CSNK2A2IP: variants seen among roughly 807,000 people sequenced by gnomAD.
The protein encoded by CSNK2A2IP is casein kinase II subunit alpha'-interacting protein.
the CSNK2A2IP span, among the ~76,000 whole-genome samples, chr3:88,362,084 T>C: frequency 2.6e-5 from 4 of 152,148 alleles, no homozygotes; most frequent in Admixed American, 2.6e-4. Context: ...TCTCTGTCAC[T>C]GAAGGCTTGA....
At chr3:88,408,205 C>A in the CSNK2A2IP span, among the ~76,000 whole-genome samples, 1 of 152,064 alleles carries the variant, frequency 6.6e-6, no homozygotes, top group Non-Finnish European at 1.5e-5. Context: ...GTCATGTCTA[C>A]TTAGGCAGTT....
chr3:88,466,408 A>G, the CSNK2A2IP span: 1 of 1,231,826 alleles, frequency 8.1e-7, no homozygotes, highest in Admixed American at 4.2e-5. Flanking sequence ...CACTTCACCA[A>G]ATGGCAAACA....
the CSNK2A2IP span, among the ~76,000 whole-genome samples, chr3:88,433,988 A>C: frequency 6.6e-6 from 1 of 152,172 alleles, no homozygotes; most frequent in African/African-American, 2.4e-5. Context: ...CTGTTAAAAA[A>C]TGTGTTATTT....
the CSNK2A2IP span, among the ~76,000 whole-genome samples, chr3:88,439,226 G>C: frequency 6.6e-6 from 1 of 152,006 alleles, no homozygotes; most frequent in Non-Finnish European, 1.5e-5. Flanking sequence ...TCTTTCATTT[G>C]AATAATGTGA....
chr3:88,465,904 T>C, the CSNK2A2IP span: 50 of 1,231,534 alleles, frequency 4.1e-5, no homozygotes, highest in Non-Finnish European at 5.1e-5. Context: ...CTCAAGTTCA[T>C]CATTATTTCG....
chr3:88,417,879 A>G, the CSNK2A2IP span, among the ~76,000 whole-genome samples: 1 of 152,206 alleles, frequency 6.6e-6, no homozygotes, highest in African/African-American at 2.4e-5. Flanking sequence ...CTGTATGTAC[A>G]TATGTGTATT....
At chr3:88,350,432 A>G in the CSNK2A2IP span, among the ~76,000 whole-genome samples, 1 of 152,068 alleles carries the variant, frequency 6.6e-6, no homozygotes, top group Non-Finnish European at 1.5e-5. Context: ...GCATGCCTTC[A>G]TTGAGGAATT....
the CSNK2A2IP span, among the ~76,000 whole-genome samples, chr3:88,439,166 A>T: frequency 6.6e-6 from 1 of 152,106 alleles, no homozygotes; most frequent in African/African-American, 2.4e-5. Flanking sequence ...TAAATGCCTC[A>T]CTTTTCATTG....
chr3:88,398,990 G>A, the CSNK2A2IP span, among the ~76,000 whole-genome samples: 2 of 151,896 alleles, frequency 1.3e-5, no homozygotes, highest in Non-Finnish European at 2.9e-5. Context: ...AACTATCTTG[G>A]GTTTAAGGAT....
At chr3:88,455,285 A>AT in the CSNK2A2IP span, among the ~76,000 whole-genome samples, 1 of 152,022 alleles carries the variant, frequency 6.6e-6, no homozygotes, top group South Asian at 2.1e-4. Context: ...TTTTTTAGGA[A>AT]TCTCCATACT....
At chr3:88,386,045 G>A in the CSNK2A2IP span, among the ~76,000 whole-genome samples, 3 of 152,264 alleles carry the variant, frequency 2.0e-5, no homozygotes, top group Admixed American at 1.3e-4. Flanking sequence ...TGATTCATTT[G>A]GGAGATGTAA....
At chr3:88,356,550 T>C in the CSNK2A2IP span, among the ~76,000 whole-genome samples, 1 of 152,162 alleles carries the variant, frequency 6.6e-6, no homozygotes, top group Admixed American at 6.6e-5. Flanking sequence ...AATAAAGCTG[T>C]AATAAAAATG....
chr3:88,373,442 C>G, the CSNK2A2IP span, among the ~76,000 whole-genome samples: 1 of 150,754 alleles, frequency 6.6e-6, no homozygotes, highest in African/African-American at 2.4e-5. Context: ...AAATTGAAAT[C>G]ACAAAATTTA....
the CSNK2A2IP span, among the ~76,000 whole-genome samples, chr3:88,398,550 C>A: frequency 3.9e-5 from 6 of 152,058 alleles, no homozygotes; most frequent in Non-Finnish European, 5.9e-5. Context: ...CTGTATATAC[C>A]AAAGTATATG....
At chr3:88,366,961 G>T in the CSNK2A2IP span, among the ~76,000 whole-genome samples, 2 of 151,964 alleles carry the variant, frequency 1.3e-5, no homozygotes, top group African/African-American at 2.4e-5. Context: ...AAAATCATCC[G>T]ATCTCTTGAG....
chr3:88,406,759 T>G, the CSNK2A2IP span, among the ~76,000 whole-genome samples: 1 of 152,240 alleles, frequency 6.6e-6, no homozygotes, highest in African/African-American at 2.4e-5. Context: ...GTTAAAATTC[T>G]TTATTTTTGT....
At chr3:88,381,393 G>A in the CSNK2A2IP span, among the ~76,000 whole-genome samples, 2,506 of 152,302 alleles carry the variant, frequency 0.016, 89 homozygotes, top group African/African-American at 0.058. Context: ...GGGGCAATGA[G>A]GCTCCTGAAA....
chr3:88,452,192 T>A, the CSNK2A2IP span, among the ~76,000 whole-genome samples: 17 of 151,712 alleles, frequency 1.1e-4, no homozygotes, highest in Non-Finnish European at 1.5e-5. Context: ...TTTTTTTTTT[T>A]ACTTCCTCTG....
chr3:88,414,682 T>G, the CSNK2A2IP span, among the ~76,000 whole-genome samples: 1 of 151,970 alleles, frequency 6.6e-6, no homozygotes, highest in Non-Finnish European at 1.5e-5. Flanking sequence ...AATGTTTACA[T>G]CTTGGTGGGG....
Sources: gnomAD v4.1 joint callset for allele counts (sites outside exome capture counted in the v4.1 genomes callset) on GRCh38, gnomAD v4.1.1 for gene constraint, MANE v1.5 for transcripts, NCBI Gene and HGNC (gene_info 2026-07-23, HGNC 2026-07-21) for gene names.